The following SPAG16 variants were observed in gnomAD, a reference collection of about 807,000 sequenced individuals.
SPAG16 encodes the protein sperm associated antigen 16, also known as sperm-associated antigen 16 protein.
A neutral mutation model predicts 80.4 loss-of-function variants in SPAG16; 86 were observed. That is an observed-to-expected ratio of 1.07 (90% CI 0.90 to 1.28). The LOEUF is 1.28. Ranked by LOEUF, SPAG16 falls within the 50% of genes most tolerant of loss-of-function variation. The probability of loss-of-function intolerance (pLI) is 0.00; values close to 1 mark genes in which losing one functional copy is unlikely to be tolerated. For synonymous variants in SPAG16, 294 were observed against 265.9 expected, an observed-to-expected ratio of 1.11 and a Z score of -1.03; for missense variants, 870 against 765.3, an observed-to-expected ratio of 1.14 and a Z score of -1.61.
At chr2:213,462,504 C>A (rs918984103) in intron 9 of SPAG16, among the ~76,000 whole-genome samples, 5 of 152,026 alleles carry the variant, frequency 3.3e-5, no homozygotes, top group Admixed American at 1.3e-4. Flanking sequence ...AAATCTCATC[C>A]CGAATTATAA....
rs181991367 is a variant in SPAG16 at position 214,186,531 on chromosome 2, A to T, written c.1720+37265A>T. Among the ~76,000 whole-genome samples the T allele has an allele frequency of 8.5e-4, 130 of 152,188 alleles. 2 individuals carry two copies. The highest frequency in any genetic ancestry group is 8.4e-3 in the Admixed American group (129 of 15,282). ...GAAGAGTTACAGATGAATCTGTAGAATCTGGATGAATAACCATGGCTGAGA... is the reference window on the plus strand; with the variant it reads ...GAAGAGTTACAGATGAATCTGTAGATTCTGGATGAATAACCATGGCTGAGA... On this transcript the variant is annotated intron_variant, in intron 15 of 15. Coordinates refer to ENST00000331683, the MANE Select transcript of SPAG16 (RefSeq NM_024532.5).
At chr2:214,040,481 T>C (rs1013402822) in intron 13 of SPAG16, among the ~76,000 whole-genome samples, 4 of 152,130 alleles carry the variant, frequency 2.6e-5, no homozygotes, top group Admixed American at 2.6e-4. Context: ...ATTGTTCCCC[T>C]CTATGTGTCC....
intron 11 of SPAG16, among the ~76,000 whole-genome samples, chr2:213,902,976 C>A (rs1267616377): frequency 6.6e-6 from 1 of 152,188 alleles, no homozygotes; most frequent in Admixed American, 6.5e-5. Flanking sequence ...AAGATGATCT[C>A]CTTTGACTCC....
intron 12 of SPAG16, among the ~76,000 whole-genome samples, chr2:213,953,584 G>A (rs890013733): frequency 6.6e-6 from 1 of 151,374 alleles, no homozygotes; most frequent in African/African-American, 2.4e-5. Context: ...TTTAAAAAAT[G>A]AAATTGAGAA....
At chr2:213,908,473 T>C (rs1230270112) in intron 11 of SPAG16, among the ~76,000 whole-genome samples, 1 of 152,210 alleles carries the variant, frequency 6.6e-6, no homozygotes, top group African/African-American at 2.4e-5. Flanking sequence ...TGTTTCTCTA[T>C]TTCTTTCTTG....
intron 10 of SPAG16, among the ~76,000 whole-genome samples, chr2:213,605,615 G>C (rs543997462): frequency 1.3e-5 from 2 of 152,202 alleles, no homozygotes; most frequent in South Asian, 4.1e-4. Flanking sequence ...TCAGCTTGCA[G>C]AGTAGCTGGG....
intron 10 of SPAG16, among the ~76,000 whole-genome samples, chr2:213,639,583 C>G (rs906602855): frequency 6.6e-6 from 1 of 152,158 alleles, no homozygotes; most frequent in Non-Finnish European, 1.5e-5. Context: ...TCCCTGCTAG[C>G]TTACAGGGTT....
chr2:214,133,539 C>T (rs1209020690), intron 14 of SPAG16, among the ~76,000 whole-genome samples: 1 of 152,028 alleles, frequency 6.6e-6, no homozygotes, highest in Non-Finnish European at 1.5e-5. Context: ...TGCCTGTAAT[C>T]CCAGCTACTC....
chr2:214,254,576 T>C (rs970206523), intron 15 of SPAG16, among the ~76,000 whole-genome samples: 1 of 152,076 alleles, frequency 6.6e-6, no homozygotes, highest in Non-Finnish European at 1.5e-5. Flanking sequence ...GAGACCTGAA[T>C]AGCCAAATTA....
At chr2:213,895,378 C>A (rs1276057771) in intron 11 of SPAG16, among the ~76,000 whole-genome samples, 1 of 151,934 alleles carries the variant, frequency 6.6e-6, no homozygotes, top group East Asian at 1.9e-4. Context: ...CAATCCCTAT[C>A]AAAATACCAA....
chr2:213,355,538 A>C (rs1166107026), intron 7 of SPAG16, among the ~76,000 whole-genome samples: 6 of 152,000 alleles, frequency 3.9e-5, no homozygotes, highest in South Asian at 2.1e-4. Flanking sequence ...CTTTTATTTC[A>C]TTGAGCAGTG....
At chr2:213,832,037 C>T (rs922577890) in intron 10 of SPAG16, among the ~76,000 whole-genome samples, 1 of 151,976 alleles carries the variant, frequency 6.6e-6, no homozygotes, top group African/African-American at 2.4e-5. Flanking sequence ...CACTCTGTCA[C>T]CCAGGATGGA....
At chr2:214,407,669 G>A (rs899130149) in intron 15 of SPAG16, among the ~76,000 whole-genome samples, 15 of 152,218 alleles carry the variant, frequency 9.9e-5, no homozygotes, top group Non-Finnish European at 2.1e-4. Context: ...CCACTTTGTG[G>A]AGATGCTACC....
chr2:214,247,735 C>CA (rs1689948768), intron 15 of SPAG16, among the ~76,000 whole-genome samples: 1 of 151,932 alleles, frequency 6.6e-6, no homozygotes, highest in South Asian at 2.1e-4. Flanking sequence ...GCTGATGTGA[C>CA]AAAAAATCAA....
intron 10 of SPAG16, among the ~76,000 whole-genome samples, chr2:213,527,711 A>G (rs964776796): frequency 2.6e-5 from 4 of 152,200 alleles, no homozygotes; most frequent in African/African-American, 9.6e-5. Flanking sequence ...TAAGACAACA[A>G]TTTAAGTGAA....
intron 10 of SPAG16, among the ~76,000 whole-genome samples, chr2:213,557,303 A>C (rs893596487): frequency 2.6e-5 from 4 of 152,176 alleles, no homozygotes; most frequent in Non-Finnish European, 5.9e-5. Context: ...ATACACATGC[A>C]CAACATATGC....
intron 15 of SPAG16, among the ~76,000 whole-genome samples, chr2:214,270,546 T>C (rs1912209): frequency 0.42 from 63,669 of 151,936 alleles, 15,449 homozygotes; most frequent in South Asian, 0.57. Flanking sequence ...CTCTATGATA[T>C]GGCTCCTGAC....
At chr2:214,033,475 C>T (rs1358147453) in intron 13 of SPAG16, among the ~76,000 whole-genome samples, 1 of 152,034 alleles carries the variant, frequency 6.6e-6, no homozygotes, top group Non-Finnish European at 1.5e-5. Flanking sequence ...AGACAATAAT[C>T]CAGGCAGAAG....
At position 214,013,179 on chromosome 2, in the gene SPAG16, CTTT is replaced by C. The variant is rs11382197; in HGVS notation, c.1401-758_1401-756del. On this transcript the variant is annotated intron_variant, in intron 12 of 15. Transcript: ENST00000331683. ...TTGAGACTGGGTATGAGTATTTTGTCTTTTTTTTTTTTTTTTGGTTTAAGTAAT... is the reference window on the plus strand; with the variant it reads ...TTGAGACTGGGTATGAGTATTTTGTCTTTTTTTTTTTTTGGTTTAAGTAAT... Among the ~76,000 whole-genome samples the C allele has an allele frequency of 2.3e-3, 322 of 138,894 alleles. 2 individuals carry two copies. The highest frequency in any genetic ancestry group is 8.3e-3 in the African/African-American group (306 of 36,910). 91.1% of individuals were successfully genotyped at this position (138,894 alleles called of 152,430 possible).
Sources: allele counts gnomAD v4.1 joint callset (sites outside exome capture counted in the v4.1 genomes callset), GRCh38; gene constraint gnomAD v4.1.1; transcripts MANE v1.5; gene names NCBI Gene and HGNC (gene_info 2026-07-23, HGNC 2026-07-21).